Variants in SI observed in about 807,000 individuals in gnomAD.
SI encodes sucrase-isomaltase, intestinal.
Under a neutral mutation model 253.3 loss-of-function variants are expected in SI, and 235 were observed. That is an observed-to-expected ratio of 0.93 (90% CI 0.83 to 1.03). SI has a LOEUF of 1.03. Ranked by LOEUF, SI falls within the 50% of genes least tolerant of loss-of-function variation. The pLI, the probability that SI is intolerant of heterozygous loss-of-function variation, is 0.00. For missense variants in SI, 2,442 were observed against 2,211.1 expected (o/e 1.10, Z -2.09); for synonymous variants, 819 against 712.0 (o/e 1.15, Z -2.39).
At position 165,036,473 on chromosome 3, in the gene SI, T is replaced by C; in HGVS notation, c.2431A>G (p.Lys811Glu). The C allele has an allele frequency of 6.2e-7, 1 of 1,609,580 alleles. No individual in the cohort carries two copies. Among genetic ancestry groups the C allele is most frequent in the South Asian group, 1.1e-5 (1 of 91,014 alleles). ...EPDVTTTASRKNPLGLIVALG... is the reference protein window; with the variant it reads ...EPDVTTTASRENPLGLIVALG... ...GCGACTATAAGTCCTAGAGGATTCT[T>C]ACGGCTGTTAAGAAAAATTAGGTGC... The change falls in exon 22 of 48, where the codon AAG (lysine) becomes GAG (glutamate). Residue 811 changes from lysine (K) to glutamate (E), a missense_variant. Transcript: ENST00000264382.
chr3:165,066,839 A>C (rs1358709001), intron 6 of SI, among the ~76,000 whole-genome samples: 1 of 152,018 alleles, frequency 6.6e-6, no homozygotes, highest in African/African-American at 2.4e-5. Context: ...ATACAAGAGC[A>C]TTTATCTTGA....
chr3:164,985,338 C>A (rs1226299304), intron 45 of SI, among the ~76,000 whole-genome samples: 2 of 152,102 alleles, frequency 1.3e-5, no homozygotes, highest in African/African-American at 4.8e-5. Context: ...TCCTGCTGGA[C>A]ACAAAGGGAA....
At chr3:165,077,444 TTAAG>T (rs1444861672) in intron 1 of SI, among the ~76,000 whole-genome samples, 1 of 151,878 alleles carries the variant, frequency 6.6e-6, no homozygotes, top group Non-Finnish European at 1.5e-5. Flanking sequence ...GAGAATAATA[TTAAG>T]TAAGCAAAAA....
intron 44 of SI, among the ~76,000 whole-genome samples, chr3:164,990,736 G>A (rs761625083): frequency 2.0e-5 from 3 of 152,152 alleles, no homozygotes; most frequent in South Asian, 2.1e-4. Flanking sequence ...ATCACACACC[G>A]GGGCCTGTTG....
intron 25 of SI, among the ~76,000 whole-genome samples, chr3:165,029,951 A>T (rs1459010830): frequency 1.3e-5 from 2 of 150,614 alleles, no homozygotes; most frequent in Non-Finnish European, 3.0e-5. Context: ...TGCTGCTTTA[A>T]CAATTAATGG....
intron 5 of SI, among the ~76,000 whole-genome samples, chr3:165,068,320 T>A (rs1327250144): frequency 6.6e-6 from 1 of 152,212 alleles, no homozygotes; most frequent in Non-Finnish European, 1.5e-5. Flanking sequence ...ACTATTATTA[T>A]TCGTATGTTA....
chr3:165,042,935 A>T, intron 17 of SI, 124 bp downstream of exon 17: 1 of 732,068 alleles, frequency 1.4e-6, no homozygotes, highest in South Asian at 1.5e-5. Context: ...AGGGACTTCT[A>T]ACAATGTCTT....
intron 25 of SI, among the ~76,000 whole-genome samples, chr3:165,027,116 G>A (rs1390700941): frequency 6.6e-6 from 1 of 151,268 alleles, no homozygotes; most frequent in Non-Finnish European, 1.5e-5. Context: ...AGCTCAATTA[G>A]AAATGAAATG....
In SI at chr3:165,072,564, A is replaced by G. The variant is rs569279588; in HGVS notation, c.255+1967T>C. Among the ~76,000 whole-genome samples the G allele has an allele frequency of 2.8e-4, 42 of 152,122 alleles. No homozygotes were observed. The South Asian group carries it at 3.1e-3, about 11-fold the overall frequency. On this transcript the variant is annotated intron_variant, in intron 3 of 47. Transcript: ENST00000264382. ...TTCATTTTTCATTCCTTTATGATTT[A>G]TTTTTTAAATCCATTTCCTATAATA...
Position 165,016,097 on chromosome 3 carries a change from T to G in SI, c.3760-17A>C, listed in dbSNP as rs1390580266. On this transcript the variant is annotated splice_polypyrimidine_tract_variant and intron_variant, in intron 31 of 47. Transcript: ENST00000264382. ...CTGAACATCCTGAAATATCCAAAAA[T>G]TATCAAAGTAGGGCAAAAAATACAA... is the stretch of plus-strand genomic sequence containing the variant. 6 of 1,610,962 alleles carry G rather than the reference T, an allele frequency of 3.7e-6. No individual in the cohort carries two copies. Among genetic ancestry groups the G allele is most frequent in the Non-Finnish European group, 5.1e-6 (6 of 1,177,568 alleles).
chr3:165,083,653 T>C, the SI span, among the ~76,000 whole-genome samples: 2 of 152,058 alleles, frequency 1.3e-5, no homozygotes, highest in South Asian at 2.1e-4. Context: ...GCCATTGAAT[T>C]ATGAATTATA....
upstream of SI, among the ~76,000 whole-genome samples, chr3:165,082,650 T>C (rs6778229): frequency 0.59 from 88,782 of 151,762 alleles, 26,340 homozygotes; most frequent in East Asian, 0.81. Context: ...CTTCAATTGG[T>C]CATGTGAGAC....
intron 33 of SI, 96 bp from the exon 34 acceptor site, chr3:165,013,138 T>C: frequency 1.2e-6 from 1 of 816,032 alleles, no homozygotes; most frequent in Non-Finnish European, 2.2e-6. Flanking sequence ...AGAGGCTTAT[T>C]ATTAACTCAA....
At chr3:165,024,548 G>C (rs910558895) in intron 25 of SI, among the ~76,000 whole-genome samples, 2 of 151,078 alleles carry the variant, frequency 1.3e-5, no homozygotes, top group African/African-American at 2.4e-5. Flanking sequence ...TACTCTGTTT[G>C]ACTCATCTTC....
At chr3:165,078,253 A>C (rs1232899979) in intron 1 of SI, among the ~76,000 whole-genome samples, 180 bp downstream of exon 1, 1 of 151,602 alleles carries the variant, frequency 6.6e-6, no homozygotes, top group Non-Finnish European at 1.5e-5. Context: ...AAAAAAAATT[A>C]GAAATATTTT....
intron 12 of SI, among the ~76,000 whole-genome samples, chr3:165,058,415 T>G (rs563225398): frequency 6.6e-6 from 1 of 151,402 alleles, no homozygotes; most frequent in Non-Finnish European, 1.5e-5. Flanking sequence ...CCTAAATTAG[T>G]AGAAGGAAAG....
intron 25 of SI, among the ~76,000 whole-genome samples, chr3:165,025,117 C>T (rs76198659): frequency 5.7e-4 from 86 of 151,204 alleles, no homozygotes; most frequent in African/African-American, 1.9e-3. Flanking sequence ...AGTTTGTAAT[C>T]GCCCAGGGTT....
Position 165,059,204 on chromosome 3 carries a change from A to T in SI, c.1242T>A (p.Asp414Glu). The change falls in exon 11 of 48, where the codon GAT (aspartate) becomes GAA (glutamate). Residue 414 changes from aspartate to glutamate, a missense_variant. Asp to Glu is a conservative substitution (Grantham distance 45). Coordinates refer to ENST00000264382, the MANE Select transcript of SI (RefSeq NM_001041.4). ...AFNGLPQFVQ[D>E]LHDHGQKYVI... ...CATATTTCTGTCCATGGTCATGCAA[A>T]TCTTGCACAAATTGAGGGAGTCCGT... 4 of 1,612,802 alleles carry T rather than the reference A, an allele frequency of 2.5e-6. No homozygotes were observed. Among genetic ancestry groups the T allele is most frequent in the Non-Finnish European group, 3.4e-6 (4 of 1,179,254 alleles).
chr3:165,086,793 G>C, the SI span, among the ~76,000 whole-genome samples: 2 of 152,152 alleles, frequency 1.3e-5, no homozygotes, highest in Non-Finnish European at 2.9e-5. Context: ...AAGTGAGTAA[G>C]GAGTATGCCA....
Sources: allele counts gnomAD v4.1 joint callset (sites outside exome capture counted in the v4.1 genomes callset), GRCh38; gene constraint gnomAD v4.1.1; transcripts MANE v1.5; gene names NCBI Gene and HGNC (gene_info 2026-07-23, HGNC 2026-07-21).